USP30: variants seen among roughly 807,000 people sequenced by gnomAD.
The protein encoded by USP30 is ubiquitin carboxyl-terminal hydrolase 30.
Under a neutral mutation model 68.2 loss-of-function variants are expected in USP30, and 41 were observed. The observed-to-expected ratio is 0.60, with a 90% confidence interval of 0.47 to 0.78. The LOEUF is 0.78. Ranked by LOEUF, USP30 falls within the 30% of genes least tolerant of loss-of-function variation. The pLI is 0.00. For synonymous variants in USP30, 229 were observed against 253.7 expected (o/e 0.90, Z 0.93); for missense variants, 522 against 649.4 (o/e 0.80, Z 2.13).
chr12:109,039,253 T>C (rs1367834651), intron 3 of USP30, among the ~76,000 whole-genome samples: 2 of 152,212 alleles, frequency 1.3e-5, no homozygotes, highest in African/African-American at 4.8e-5. Context: ...CTATAATTCA[T>C]TTCAAGTTAA....
At position 109,065,469 on chromosome 12, in the gene USP30, G is replaced by A. The variant is rs567122232; in HGVS notation, c.377-2055G>A. Among the ~76,000 whole-genome samples, 185 of 152,352 alleles carry A rather than the reference G, an allele frequency of 1.2e-3. 4 individuals are homozygous for A. In the South Asian group the frequency reaches 0.022, roughly 18 times the overall value. On this transcript the variant is annotated intron_variant, in intron 3 of 12. Coordinates refer to ENST00000257548, the MANE Select transcript of USP30 (RefSeq NM_032663.5). ...TTATTGAAGCACAAAGTGTGAAGGC[G>A]GCTGTCTGGGGACACACAAATCCCA...
intron 3 of USP30, among the ~76,000 whole-genome samples, chr12:109,040,380 G>A (rs1007309642): frequency 7.9e-5 from 12 of 152,334 alleles, no homozygotes; most frequent in African/African-American, 2.6e-4. Flanking sequence ...AGATTTTGAG[G>A]TAGTTGGTAT....
In USP30 at chr12:109,083,033, T is replaced by A; in HGVS notation, c.1139T>A (p.Leu380Gln). 6.2e-7 allele frequency: 1 copy of A among 1,612,746 alleles called. No homozygotes were observed. The highest frequency in any genetic ancestry group is 8.5e-7 in the Non-Finnish European group (1 of 1,179,216). The stretch of plus-strand genomic sequence containing the variant: ...AAGAACCCAGGGCCTACACTGGAGC[T>A]GCAGGATGGGCCGGGAGCCCCCACA... ...LNKNPGPTLE[L>Q]QDGPGAPTPV... The change falls in exon 11 of 13, where the codon CTG becomes CAG. Residue 380 changes from leucine to glutamine, a missense_variant. Coordinates refer to ENST00000257548, the MANE Select transcript of USP30 (RefSeq NM_032663.5).
chr12:109,069,684 G>A (rs1422694970), intron 4 of USP30, among the ~76,000 whole-genome samples: 2 of 152,140 alleles, frequency 1.3e-5, no homozygotes, highest in South Asian at 2.1e-4. Flanking sequence ...GGCAGGGGTC[G>A]GTGCAGACAG....
At chr12:109,033,863 C>T (rs1252652364) in intron 3 of USP30, among the ~76,000 whole-genome samples, 2 of 152,112 alleles carry the variant, frequency 1.3e-5, no homozygotes, top group Non-Finnish European at 2.9e-5. Flanking sequence ...GGTCACATAG[C>T]TCATCCCTCC....
intron 3 of USP30, among the ~76,000 whole-genome samples, chr12:109,062,122 A>G (rs1315485686): frequency 6.6e-6 from 1 of 151,822 alleles, no homozygotes; most frequent in Admixed American, 6.6e-5. Flanking sequence ...TTTAGTAGAG[A>G]TGGGGTTTCA....
chr12:109,032,143 CAA>C (rs1262380969), intron 3 of USP30, among the ~76,000 whole-genome samples: 1 of 140,008 alleles, frequency 7.1e-6, no homozygotes, highest in African/African-American at 2.6e-5. Flanking sequence ...CCCGTCTCTA[CAA>C]AAAAAAAAAT....
rs867907864 is a variant in USP30 at position 109,070,982 on chromosome 12, A to G, written c.481-630A>G. Among the ~76,000 whole-genome samples the G allele has an allele frequency of 6.6e-6, 1 of 152,246 alleles. No homozygotes were observed. Among genetic ancestry groups the G allele is most frequent in the Non-Finnish European group, 1.5e-5 (1 of 68,046 alleles). The stretch of plus-strand genomic sequence containing the variant: ...AGGAAATTCTGCAGTATGCTACAAC[A>G]TAGGTGAAGCTTGAAGACGTTATGC... On this transcript the variant is annotated intron_variant, in intron 4 of 12. Coordinates refer to ENST00000257548, the MANE Select transcript of USP30 (RefSeq NM_032663.5). The surrounding 1 kb of genome is among the most constrained non-coding windows in gnomAD (Gnocchi z 4.0).
Position 109,086,233 on chromosome 12 carries a change from T to A in USP30, c.*302T>A. 1 of 286,098 alleles carries A rather than the reference T, an allele frequency of 3.5e-6. No individual in the cohort carries two copies. The highest frequency in any genetic ancestry group is 6.5e-6 in the Non-Finnish European group (1 of 152,682). 17.7% of individuals were successfully genotyped at this position (286,098 alleles called of 1,614,324 possible). On this transcript the variant is annotated 3_prime_UTR_variant, in exon 13 of 13. Transcript: ENST00000257548. The stretch of plus-strand genomic sequence containing the variant: ...AACTCAGATTCTTGAAGCCACCGTT[T>A]TCATATTGTAATGTTAGGTGTTCTC...
chr12:109,048,188 C>T (rs2040623022), upstream of USP30, among the ~76,000 whole-genome samples: 1 of 151,306 alleles, frequency 6.6e-6, no homozygotes, highest in South Asian at 2.1e-4. Flanking sequence ...TGGGCTCAAG[C>T]AATCCTCCCA....
At chr12:109,027,785 A>G (rs2040455351) in intron 3 of USP30, among the ~76,000 whole-genome samples, 1 of 152,186 alleles carries the variant, frequency 6.6e-6, no homozygotes, top group African/African-American at 2.4e-5. Context: ...TTGTTAATCC[A>G]TTCATCTGTT....
upstream of USP30, among the ~76,000 whole-genome samples, chr12:109,048,002 C>G (rs1233718592): frequency 6.6e-6 from 1 of 151,856 alleles, no homozygotes; most frequent in Non-Finnish European, 1.5e-5. Flanking sequence ...ATTCACTCAC[C>G]AGTGTATCTC....
At position 109,057,933 on chromosome 12, in the gene USP30, G is replaced by A; in HGVS notation, c.201G>A (p.Val67=). Reference sequence around the variant, plus strand: ...CCCCTGCTTTTTTTTTAGGGCTTGTGCCTGGCCTTGTTAATTTAGGGAACA... The same window carrying A: ...CCCCTGCTTTTTTTTTAGGGCTTGTACCTGGCCTTGTTAATTTAGGGAACA... ...TERKKRRKGL[V]PGLVNLGNTC... is the part of the protein sequence containing the mutation. The change falls in exon 3 of 13, where the codon GTG becomes GTA. Residue 67 remains valine (V), a synonymous_variant. Transcript: ENST00000257548. The A allele has an allele frequency of 6.2e-7, 1 of 1,612,624 alleles. No individual in the cohort carries two copies. Among genetic ancestry groups the A allele is most frequent in the Non-Finnish European group, 8.5e-7 (1 of 1,179,428 alleles).
chr12:109,024,480 A>G (rs1177932667), intron 1 of USP30, among the ~76,000 whole-genome samples: 1 of 151,432 alleles, frequency 6.6e-6, no homozygotes, highest in South Asian at 2.1e-4. Context: ...CTGGCCTCAA[A>G]CTCGTGAGCT....
chr12:109,067,428 A>C (rs1439198589), intron 3 of USP30, 96 bp from the exon 4 acceptor site: 5 of 1,173,200 alleles, frequency 4.3e-6, no homozygotes, highest in African/African-American at 1.5e-5. Flanking sequence ...GCGGTCTTTA[A>C]TTTTTAATTA....
chr12:109,056,941 G>T (rs953161407), intron 2 of USP30, 150 bp downstream of exon 2: 15 of 507,430 alleles, frequency 3.0e-5, no homozygotes, highest in Non-Finnish European at 4.4e-5. Context: ...TACTTTTACC[G>T]TTAGTCATTA....
intron 3 of USP30, among the ~76,000 whole-genome samples, chr12:109,039,813 G>A (rs1226831132): frequency 6.6e-6 from 1 of 152,152 alleles, no homozygotes; most frequent in African/African-American, 2.4e-5. Context: ...GTTTCACCAT[G>A]TTGGCCAGGA....
upstream of USP30, among the ~76,000 whole-genome samples, chr12:109,048,398 G>A (rs1030048185): frequency 1.3e-5 from 2 of 150,326 alleles, no homozygotes; most frequent in Non-Finnish European, 3.0e-5. Context: ...CTTCAGTATT[G>A]TTGGGTTTTA....
chr12:109,039,277 T>C lies in USP30; in HGVS notation c.-135-8313T>C, dbSNP rs139322262. Among the ~76,000 whole-genome samples the C allele has an allele frequency of 2.7e-3, 405 of 152,332 alleles. 1 individual carries two copies. The highest frequency in any genetic ancestry group is 9.0e-3 in the African/African-American group (375 of 41,568). On this transcript the variant is annotated intron_variant, in intron 3 of 15. Coordinates refer to the USP30 transcript ENST00000392784. ...ATTTCAAGTTAATTTGCATGTCTTG[T>C]TACATTCTTTTACAATAGTGTACCT...
Sources: gnomAD v4.1 joint callset for allele counts (sites outside exome capture counted in the v4.1 genomes callset) on GRCh38, gnomAD v4.1.1 for gene constraint, Gnocchi (gnomAD v3.1) non-coding constraint, MANE v1.5 for transcripts, NCBI Gene and HGNC (gene_info 2026-07-23, HGNC 2026-07-21) for gene names.